Variants in LPP observed in about 807,000 individuals in gnomAD.
The protein encoded by LPP is lipoma-preferred partner.
In LPP, 38 loss-of-function variants were observed where a neutral mutation model predicts 60.4. The observed-to-expected ratio is 0.63, with a 90% CI of 0.49 to 0.83. The LOEUF is 0.83. LPP is among the 40% of genes least tolerant of loss of function. LPP has a pLI of 0.00. For missense variants in LPP, 902 were observed against 783.6 expected, an observed-to-expected ratio of 1.15 and a Z score of -1.80; for synonymous variants, 328 against 290.8, an observed-to-expected ratio of 1.13 and a Z score of -1.30.
At chr3:188,300,877 C>CCT (rs1220082088) in intron 2 of LPP, among the ~76,000 whole-genome samples, 2 of 152,010 alleles carry the variant, frequency 1.3e-5, no homozygotes, top group Non-Finnish European at 2.9e-5. Flanking sequence ...TGAAGAGAGA[C>CCT]CTTTGAATAT....
At chr3:188,826,781 C>A (rs758193134) in intron 9 of LPP, among the ~76,000 whole-genome samples, 2 of 152,022 alleles carry the variant, frequency 1.3e-5, no homozygotes, top group African/African-American at 4.8e-5. Flanking sequence ...GGACCCCCCC[C>A]ACTCTCATCT....
intron 3 of LPP, among the ~76,000 whole-genome samples, chr3:188,360,481 T>A (rs546801206): frequency 1.3e-5 from 2 of 152,266 alleles, no homozygotes; most frequent in Admixed American, 1.3e-4. Context: ...TCTCTCTTTC[T>A]TCTCATGAAG....
chr3:188,402,166 T>TC (rs1782404037), intron 3 of LPP, among the ~76,000 whole-genome samples: 1 of 151,924 alleles, frequency 6.6e-6, no homozygotes, highest in Non-Finnish European at 1.5e-5. Context: ...ACCAGATAAT[T>TC]CCAGTGTAGT....
At chr3:188,156,060 T>TTAATTTAA (rs1186555481) in intron 1 of LPP, among the ~76,000 whole-genome samples, 2 of 151,978 alleles carry the variant, frequency 1.3e-5, no homozygotes, top group Non-Finnish European at 2.9e-5. Flanking sequence ...GAGTGTGCAT[T>TTAATTTAA]TTTGCATTTA....
chr3:188,403,243 A>G (rs184510369), intron 3 of LPP, among the ~76,000 whole-genome samples: 1 of 152,128 alleles, frequency 6.6e-6, no homozygotes, highest in Admixed American at 6.5e-5. Context: ...TTTTATTTAT[A>G]CTCTCCCAGA....
chr3:188,636,728 C>T (rs1015079450), intron 7 of LPP, among the ~76,000 whole-genome samples: 1 of 151,990 alleles, frequency 6.6e-6, no homozygotes, highest in South Asian at 2.1e-4. Context: ...GGCAGACTGC[C>T]TCCTCAAGTG....
At chr3:188,658,291 C>T (rs1333672785) in intron 7 of LPP, among the ~76,000 whole-genome samples, 1 of 152,060 alleles carries the variant, frequency 6.6e-6, no homozygotes, top group Non-Finnish European at 1.5e-5. Flanking sequence ...ATTACAGGCA[C>T]CTGCCACCAC....
intron 3 of LPP, among the ~76,000 whole-genome samples, chr3:188,401,085 A>G (rs1199135456): frequency 6.6e-6 from 1 of 152,166 alleles, no homozygotes; most frequent in East Asian, 1.9e-4. Flanking sequence ...TAAAGGTCAC[A>G]CTTGTATAGC....
chr3:188,823,251 C>G (rs1754491134), intron 9 of LPP, among the ~76,000 whole-genome samples: 1 of 152,136 alleles, frequency 6.6e-6, no homozygotes, highest in Admixed American at 6.6e-5. Context: ...TTTGCTCAAG[C>G]TGGACCTTTG....
At chr3:188,486,904 A>T (rs1348170501) in intron 5 of LPP, among the ~76,000 whole-genome samples, 2 of 152,210 alleles carry the variant, frequency 1.3e-5, no homozygotes, top group African/African-American at 4.8e-5. Context: ...GTCATTTTTT[A>T]ATAAAATGAG....
intron 2 of LPP, among the ~76,000 whole-genome samples, chr3:188,243,233 G>C: frequency 6.6e-6 from 1 of 152,128 alleles, no homozygotes; most frequent in East Asian, 1.9e-4. Context: ...GTTCTCAGGA[G>C]TTATACCACA....
chr3:188,763,902 G>A (rs1463493163), intron 9 of LPP, among the ~76,000 whole-genome samples: 3 of 151,866 alleles, frequency 2.0e-5, no homozygotes, highest in Non-Finnish European at 4.4e-5. Context: ...GCATTACCTT[G>A]CTAGATTTCT....
At chr3:188,872,517 C>A in intron 10 of LPP, 126 bp from the exon 11 acceptor site, 1 of 1,004,208 alleles carries the variant, frequency 1.0e-6, no homozygotes, top group Non-Finnish European at 1.5e-6. Flanking sequence ...CTGAGTCTAA[C>A]TCCCTCACCT....
At chr3:188,620,772 A>G (rs1029952572) in intron 7 of LPP, among the ~76,000 whole-genome samples, 1 of 152,208 alleles carries the variant, frequency 6.6e-6, no homozygotes, top group African/African-American at 2.4e-5. Flanking sequence ...CCAGCAGGGT[A>G]TGAGGATCTC....
chr3:188,282,117 T>TTCCC (rs1019842997), intron 2 of LPP, among the ~76,000 whole-genome samples: 1 of 151,926 alleles, frequency 6.6e-6, no homozygotes, highest in Non-Finnish European at 1.5e-5. Context: ...TTCTCTCTCC[T>TTCCC]TCCCTCCCTC....
intron 6 of LPP, among the ~76,000 whole-genome samples, chr3:188,556,052 T>C (rs931361284): frequency 3.3e-5 from 5 of 152,234 alleles, no homozygotes; most frequent in African/African-American, 1.2e-4. Context: ...AGTGAGTGTG[T>C]GATCAAGGTA....
chr3:188,649,261 C>T (rs1851646336), intron 7 of LPP, among the ~76,000 whole-genome samples: 1 of 152,156 alleles, frequency 6.6e-6, no homozygotes, highest in Admixed American at 6.5e-5. Flanking sequence ...GTAGCATTTA[C>T]AGGTAAAGGA....
intron 1 of LPP, among the ~76,000 whole-genome samples, chr3:188,167,264 G>T: frequency 6.6e-6 from 1 of 152,174 alleles, no homozygotes; most frequent in East Asian, 1.9e-4. Context: ...TTGGGAGGCC[G>T]AGGCGGGCAG....
intron 5 of LPP, among the ~76,000 whole-genome samples, chr3:188,511,508 T>G (rs971119757): frequency 6.6e-6 from 1 of 152,042 alleles, no homozygotes; most frequent in Non-Finnish European, 1.5e-5. Context: ...GGTAATCTAA[T>G]AGGCCCATAT....
Sources: allele counts gnomAD v4.1 joint callset (sites outside exome capture counted in the v4.1 genomes callset), GRCh38; gene constraint gnomAD v4.1.1; transcripts MANE v1.5; gene names NCBI Gene and HGNC (gene_info 2026-07-23, HGNC 2026-07-21).